Variants in TRMT1L observed in about 807,000 individuals in gnomAD.
The protein encoded by TRMT1L is tRNA methyltransferase 1L, also known as tRNA (guanine(27)-N(2))-dimethyltransferase.
A neutral mutation model predicts 81.6 loss-of-function variants in TRMT1L; 28 were observed. That is an observed-to-expected ratio of 0.34 (90% CI 0.25 to 0.47). The LOEUF is 0.47. Ranked by LOEUF, TRMT1L falls within the 20% of genes least tolerant of loss-of-function variation. TRMT1L has a pLI of 1.00. For missense variants in TRMT1L, 739 were observed against 877.1 expected (o/e 0.84, Z 1.99); for synonymous variants, 301 against 303.2 (o/e 0.99, Z 0.07).
chr1:185,146,143 ACATT>A (rs1025604000), intron 4 of TRMT1L, among the ~76,000 whole-genome samples: 4 of 152,018 alleles, frequency 2.6e-5, no homozygotes, highest in African/African-American at 4.8e-5. Flanking sequence ...TATGAAGTGA[ACATT>A]CATTACCTTT....
Position 185,128,743 on chromosome 1 carries a change from G to A in TRMT1L, c.1518C>T (p.Asn506=). ...FQKDGNMVEE[N]PYRQLPCNCH... ...AGTTACAAGGCAGCTGTCTATATGGGTTTTCTGTAAAAAGATAATAAAAGG... is the reference window on the plus strand; with the variant it reads ...AGTTACAAGGCAGCTGTCTATATGGATTTTCTGTAAAAAGATAATAAAAGG... Residue 506 remains asparagine (N), a synonymous_variant, in exon 11 of 15, where the codon AAC becomes AAT. Transcript: ENST00000367506. 1 of 1,599,876 alleles carries A rather than the reference G, an allele frequency of 6.3e-7. No homozygotes were observed. Among genetic ancestry groups the A allele is most frequent in the Non-Finnish European group, 8.5e-7 (1 of 1,176,464 alleles).
At chr1:185,152,080 A>G in intron 1 of TRMT1L, 145 bp from the exon 2 acceptor site, 2 of 477,056 alleles carry the variant, frequency 4.2e-6, no homozygotes, top group Middle Eastern at 5.6e-4. Flanking sequence ...GGTTTATAAA[A>G]TAACAAGTGT....
chr1:185,150,227 G>A (rs1349092443), intron 3 of TRMT1L, 152 bp downstream of exon 3: 1 of 620,118 alleles, frequency 1.6e-6, no homozygotes, highest in Non-Finnish European at 2.8e-6. Context: ...AAGCTATATG[G>A]TGTTTTATTA....
chr1:185,142,482 T>C (rs34324255), intron 7 of TRMT1L, among the ~76,000 whole-genome samples: 2 of 152,104 alleles, frequency 1.3e-5, no homozygotes, highest in East Asian at 3.9e-4. Context: ...TTTTCTACTG[T>C]TTCTATTATC....
chr1:185,120,409 G>A lies in TRMT1L; in HGVS notation c.1923C>T (p.His641=), dbSNP rs761952564. ...TTGGCATATTCATTCCTTTAATGCT[G>A]TGTCTGTGAATGTTGTAATAAAAGG... ...HPPFYYNIHR[H]SIKGMNMPKL... is the part of the protein sequence containing the mutation. The change falls in exon 14 of 15, where the codon CAC becomes CAT. Residue 641 remains histidine, a synonymous_variant. Transcript: ENST00000367506. 2.1e-5 allele frequency: 34 copies of A among 1,596,136 alleles called. No individual in the cohort carries two copies. The highest frequency in any genetic ancestry group is 2.8e-5 in the Non-Finnish European group (33 of 1,172,446).
At chr1:185,143,827 A>T in intron 6 of TRMT1L, 79 bp downstream of exon 6, 1 of 1,236,040 alleles carries the variant, frequency 8.1e-7, no homozygotes, top group Non-Finnish European at 1.1e-6. Context: ...ATTTTAATAT[A>T]TTAGAACATA....
chr1:185,146,933 T>C (rs1210858556), intron 4 of TRMT1L, among the ~76,000 whole-genome samples: 1 of 152,094 alleles, frequency 6.6e-6, no homozygotes, highest in Non-Finnish European at 1.5e-5. Flanking sequence ...GAGTTAATTT[T>C]CATTTTGAAC....
intron 1 of TRMT1L, among the ~76,000 whole-genome samples, chr1:185,154,781 T>C (rs1011164253): frequency 2.6e-5 from 4 of 152,254 alleles, no homozygotes; most frequent in Admixed American, 1.3e-4. Flanking sequence ...AATCACCTTC[T>C]GGTTTAAGAT....
intron 1 of TRMT1L, among the ~76,000 whole-genome samples, chr1:185,152,718 C>T (rs1653395998): frequency 6.6e-6 from 1 of 151,958 alleles, no homozygotes; most frequent in Non-Finnish European, 1.5e-5. Context: ...AGGATAAAAT[C>T]AAAGATGATT....
intron 3 of TRMT1L, among the ~76,000 whole-genome samples, chr1:185,149,267 G>T (rs187095361): frequency 4.1e-5 from 6 of 147,568 alleles, no homozygotes; most frequent in African/African-American, 1.2e-4. Context: ...GAATATCCTT[G>T]TACATTTATC....
Position 185,136,515 on chromosome 1 carries a change from G to A in TRMT1L, c.1513+1091C>T, listed in dbSNP as rs1028102941. On this transcript the variant is annotated intron_variant, in intron 10 of 14. Transcript: ENST00000367506. ...CAGTTAACATTATACTAAAGTACTTGCACAAATGAAAAGCATATCATATTT... is the reference window on the plus strand; with the variant it reads ...CAGTTAACATTATACTAAAGTACTTACACAAATGAAAAGCATATCATATTT... Among the ~76,000 whole-genome samples the A allele has an allele frequency of 8.5e-5, 13 of 152,110 alleles. 1 individual carries two copies. The highest frequency in any genetic ancestry group is 2.0e-4 in the Admixed American group (3 of 15,266).
At chr1:185,137,460 G>A in intron 10 of TRMT1L, 146 bp downstream of exon 10, 3 of 828,386 alleles carry the variant, frequency 3.6e-6, no homozygotes, top group Non-Finnish European at 6.0e-6. Context: ...CTTGTCTGTT[G>A]ACGAAAGGAA....
At chr1:185,136,637 A>T (rs1557988018) in intron 10 of TRMT1L, among the ~76,000 whole-genome samples, 1 of 152,194 alleles carries the variant, frequency 6.6e-6, no homozygotes, top group Non-Finnish European at 1.5e-5. Context: ...ATATTAAGGG[A>T]TTAACAAAAG....
chr1:185,152,076 T>C (rs891885484), intron 1 of TRMT1L, 141 bp from the exon 2 acceptor site: 2 of 478,468 alleles, frequency 4.2e-6, no homozygotes, highest in Non-Finnish European at 7.3e-6. Context: ...ACTCGGTTTA[T>C]AAAATAACAA....
intron 3 of TRMT1L, among the ~76,000 whole-genome samples, chr1:185,148,817 C>A (rs1337524524): frequency 1.3e-5 from 2 of 152,062 alleles, no homozygotes; most frequent in African/African-American, 4.8e-5. Context: ...GCATCTAATT[C>A]CCCTTTCCCT....
chr1:185,145,425 A>G lies in TRMT1L; in HGVS notation c.655+14T>C, dbSNP rs113055703. The G allele has an allele frequency of 1.9e-5, 31 of 1,604,610 alleles. No homozygotes were observed. The African/African-American group carries it at 2.7e-4, about 14-fold the overall frequency. ...ATTTACATATTAATATGTTAATGAG[A>G]TTGCTCAACTTACCTGCAATATAAC... On this transcript the variant is annotated intron_variant, in intron 5 of 14. Coordinates refer to ENST00000367506, the MANE Select transcript of TRMT1L (RefSeq NM_030934.5).
chr1:185,146,487 T>C (rs1379164290), intron 4 of TRMT1L, among the ~76,000 whole-genome samples: 1 of 152,074 alleles, frequency 6.6e-6, no homozygotes, highest in Non-Finnish European at 1.5e-5. Flanking sequence ...CTTGTGGTAC[T>C]GTGATTATCA....
At chr1:185,121,933 A>ACATCC (rs1652510479) in intron 13 of TRMT1L, among the ~76,000 whole-genome samples, 1 of 151,910 alleles carries the variant, frequency 6.6e-6, no homozygotes, top group Non-Finnish European at 1.5e-5. Context: ...AGCCCAGGCC[A>ACATCC]CATCCCATCC....
At position 185,120,026 on chromosome 1, in the gene TRMT1L, C is replaced by G; in HGVS notation, c.2195G>C (p.Arg732Thr). Reference protein sequence around the residue: ...NDKAEASGCRRW With the variant: ...NDKAEASGCRTW ...ACCAATTCTTCTCTACGTTTACCAT[C>G]TTCTGCAGCCACTTGCTTCTGCTTT... The change falls in exon 15 of 15, where the codon AGA becomes ACA. Residue 732 changes from arginine (R) to threonine (T), a missense_variant. Around this residue, in one of 4 missense-constraint regions of TRMT1L, gnomAD observed 196 missense variants for 232.6 expected, o/e 0.84. Coordinates refer to ENST00000367506, the MANE Select transcript of TRMT1L (RefSeq NM_030934.5). 1 of 1,613,480 alleles carries G rather than the reference C, an allele frequency of 6.2e-7. No individual in the cohort carries two copies. Among genetic ancestry groups the G allele is most frequent in the East Asian group, 2.2e-5 (1 of 44,876 alleles).
Sources: gnomAD v4.1 joint callset for allele counts (sites outside exome capture counted in the v4.1 genomes callset) on GRCh38, gnomAD v4.1.1 for gene constraint, gnomAD v4.1.1 regional missense constraint, MANE v1.5 for transcripts, NCBI Gene and HGNC (gene_info 2026-07-23, HGNC 2026-07-21) for gene names.